PPARGC1A: variants seen among roughly 807,000 people sequenced by gnomAD.
PPARGC1A encodes the protein peroxisome proliferator-activated receptor gamma coactivator 1-alpha.
A neutral mutation model predicts 88.7 loss-of-function variants in PPARGC1A; 25 were observed. That is an observed-to-expected ratio of 0.28 (90% CI 0.21 to 0.39). PPARGC1A has a LOEUF of 0.39. Ranked by LOEUF, PPARGC1A falls within the 10% of genes least tolerant of loss-of-function variation. The pLI, the probability that PPARGC1A is intolerant of heterozygous loss-of-function variation, is 1.00. For missense variants in PPARGC1A, 880 were observed against 968.7 expected, an observed-to-expected ratio of 0.91 and a Z score of 1.22; for synonymous variants, 363 against 355.6, an observed-to-expected ratio of 1.02 and a Z score of -0.24.
At chr4:23,941,708 T>C in the PPARGC1A span, among the ~76,000 whole-genome samples, 1 of 152,136 alleles carries the variant, frequency 6.6e-6, no homozygotes, top group Non-Finnish European at 1.5e-5. Context: ...TGAACAGTCC[T>C]AGGGCACAAT....
the PPARGC1A span, among the ~76,000 whole-genome samples, chr4:24,230,659 G>A: frequency 6.6e-6 from 1 of 152,240 alleles, no homozygotes; most frequent in East Asian, 1.9e-4. Flanking sequence ...TCCAGGACTG[G>A]AACATCTCTG....
chr4:23,950,200 A>G, the PPARGC1A span, among the ~76,000 whole-genome samples: 1 of 152,042 alleles, frequency 6.6e-6, no homozygotes, highest in Non-Finnish European at 1.5e-5. Context: ...TACTGATATA[A>G]ATCTTCCCTG....
At chr4:24,291,639 C>A in the PPARGC1A span, among the ~76,000 whole-genome samples, 16 of 152,162 alleles carry the variant, frequency 1.1e-4, no homozygotes, top group Non-Finnish European at 1.8e-4. Flanking sequence ...GCAGTAGAAC[C>A]GCCTTCCATC....
chr4:23,921,974 C>T, the PPARGC1A span, among the ~76,000 whole-genome samples: 9 of 152,134 alleles, frequency 5.9e-5, no homozygotes, highest in South Asian at 6.2e-4. Context: ...TTCATTCATT[C>T]GTTCATTCAT....
the PPARGC1A span, among the ~76,000 whole-genome samples, chr4:23,960,758 T>C: frequency 9.9e-5 from 15 of 152,262 alleles, no homozygotes; most frequent in Admixed American, 3.3e-4. Flanking sequence ...GCCATCACAT[T>C]GTTAAATTGC....
At chr4:24,225,507 G>A in the PPARGC1A span, among the ~76,000 whole-genome samples, 1 of 151,504 alleles carries the variant, frequency 6.6e-6, no homozygotes, top group Non-Finnish European at 1.5e-5. Context: ...TCCAGCCTGG[G>A]TGACAGAGCG....
chr4:23,997,555 G>A, the PPARGC1A span, among the ~76,000 whole-genome samples: 202 of 144,184 alleles, frequency 1.4e-3, 8 homozygotes, highest in East Asian at 0.04. Flanking sequence ...CACGCTAGAG[G>A]GCAGTGGCAT....
At chr4:24,455,365 T>C in the PPARGC1A span, among the ~76,000 whole-genome samples, 19 of 152,262 alleles carry the variant, frequency 1.2e-4, no homozygotes, top group African/African-American at 4.3e-4. Flanking sequence ...CCTGCAGTCC[T>C]AGATATTCGA....
the PPARGC1A span, among the ~76,000 whole-genome samples, chr4:24,387,324 T>C: frequency 6.6e-6 from 1 of 152,056 alleles, no homozygotes; most frequent in Non-Finnish European, 1.5e-5. Context: ...ATTCAGGACA[T>C]AGACATGGGC....
At chr4:23,865,174 G>C (rs181085253) in intron 2 of PPARGC1A, among the ~76,000 whole-genome samples, 1 of 152,254 alleles carries the variant, frequency 6.6e-6, no homozygotes, top group East Asian at 1.9e-4. Flanking sequence ...AACAGAGTGA[G>C]ACTGCCTCCA....
chr4:24,337,118 T>C, the PPARGC1A span, among the ~76,000 whole-genome samples: 2 of 152,322 alleles, frequency 1.3e-5, no homozygotes, highest in East Asian at 3.9e-4. Context: ...CTAAGAATCG[T>C]TCTTATAAAT....
At chr4:24,426,228 T>C in the PPARGC1A span, among the ~76,000 whole-genome samples, 1 of 152,020 alleles carries the variant, frequency 6.6e-6, no homozygotes, top group Admixed American at 6.6e-5. Flanking sequence ...TTGTGATTCT[T>C]TCTGAGACAT....
chr4:24,382,916 C>T, the PPARGC1A span, among the ~76,000 whole-genome samples: 23 of 152,260 alleles, frequency 1.5e-4, no homozygotes, highest in Middle Eastern at 3.4e-3. Flanking sequence ...TCAAGTGGGT[C>T]CCTGACCCCC....
chr4:23,819,531 A>AG (rs1202536396), intron 7 of PPARGC1A, among the ~76,000 whole-genome samples: 2 of 152,142 alleles, frequency 1.3e-5, no homozygotes, highest in African/African-American at 4.8e-5. Flanking sequence ...AGGATGGGTA[A>AG]GGGGAACCTG....
chr4:24,169,688 G>A, the PPARGC1A span, among the ~76,000 whole-genome samples: 1 of 152,168 alleles, frequency 6.6e-6, no homozygotes, highest in African/African-American at 2.4e-5. Context: ...TGTCCAACAT[G>A]GTGAAACCCT....
chr4:24,339,237 T>TATATATATAC, the PPARGC1A span, among the ~76,000 whole-genome samples: 2 of 104,316 alleles, frequency 1.9e-5, no homozygotes, highest in Non-Finnish European at 1.9e-5. Context: ...TATATATATA[T>TATATATATAC]ACACACACAC....
chr4:23,883,631 T>C (rs1289916829), intron 2 of PPARGC1A: 1 of 152,200 alleles, frequency 6.6e-6, no homozygotes, highest in Non-Finnish European at 1.5e-5. Context: ...AATAGGTTGT[T>C]TTCAAGGATA....
chr4:24,385,267 C>T, the PPARGC1A span, among the ~76,000 whole-genome samples: 2 of 152,084 alleles, frequency 1.3e-5, no homozygotes, highest in African/African-American at 4.8e-5. Context: ...ATTTATAGCA[C>T]TAAATGCCCA....
chr4:24,041,361 T>G, the PPARGC1A span, among the ~76,000 whole-genome samples: 1 of 152,170 alleles, frequency 6.6e-6, no homozygotes, highest in Non-Finnish European at 1.5e-5. Context: ...GTATTCCCTC[T>G]CTAACAGTGA....
Sources: allele counts gnomAD v4.1 joint callset (sites outside exome capture counted in the v4.1 genomes callset), GRCh38; gene constraint gnomAD v4.1.1; transcripts MANE v1.5; gene names NCBI Gene and HGNC (gene_info 2026-07-23, HGNC 2026-07-21).